The following DLGAP2 variants were observed in gnomAD, a reference collection of about 807,000 sequenced individuals.
DLGAP2 encodes DLG associated protein 2, also known as disks large-associated protein 2.
In DLGAP2, 26 loss-of-function variants were observed where a neutral mutation model predicts 100.3. The observed-to-expected ratio is 0.26, with a 90% CI of 0.19 to 0.36. The LOEUF is 0.36. Among genes scored for constraint, DLGAP2 ranks in the 10% least tolerant of loss-of-function variants. DLGAP2 has a pLI of 1.00. For synonymous variants in DLGAP2, 886 were observed against 630.1 expected (o/e 1.41, Z -6.08); for missense variants, 1,858 against 1,453.2 (o/e 1.28, Z -4.53).
At chr8:1,305,982 A>G (rs1303826307) in intron 3 of DLGAP2, among the ~76,000 whole-genome samples, 1 of 151,080 alleles carries the variant, frequency 6.6e-6, no homozygotes, top group Non-Finnish European at 1.5e-5. Context: ...ATGTAATTTT[A>G]TATCCAGATA....
At chr8:998,925 A>G (rs1316929520) in intron 2 of DLGAP2, among the ~76,000 whole-genome samples, 1 of 152,090 alleles carries the variant, frequency 6.6e-6, no homozygotes, top group African/African-American at 2.4e-5. Context: ...TTCATGTGTG[A>G]AGCCACAGCT....
chr8:930,418 G>T (rs1489174173), intron 2 of DLGAP2, among the ~76,000 whole-genome samples: 1 of 152,212 alleles, frequency 6.6e-6, no homozygotes, highest in Non-Finnish European at 1.5e-5. Context: ...GTGCACACCA[G>T]GGACTCCAGG....
intron 2 of DLGAP2, among the ~76,000 whole-genome samples, chr8:1,232,804 C>T (rs75311017): frequency 0.022 from 3,360 of 152,278 alleles, 120 homozygotes; most frequent in African/African-American, 0.076. Flanking sequence ...GTGTAGTAAA[C>T]GTATCGCAAG....
At chr8:1,636,813 T>C (rs1745048243) in intron 8 of DLGAP2, among the ~76,000 whole-genome samples, 1 of 152,240 alleles carries the variant, frequency 6.6e-6, no homozygotes, top group African/African-American at 2.4e-5. Context: ...ATTTTAAAAC[T>C]TGAATTTGAA....
intron 1 of DLGAP2, among the ~76,000 whole-genome samples, chr8:763,474 C>A (rs1483976388): frequency 1.3e-5 from 2 of 152,206 alleles, no homozygotes; most frequent in African/African-American, 4.8e-5. Context: ...TTATCAATGG[C>A]ATCTTGAATG....
intron 2 of DLGAP2, among the ~76,000 whole-genome samples, chr8:1,114,708 G>T (rs2129046475): frequency 6.6e-6 from 1 of 151,346 alleles, no homozygotes; most frequent in South Asian, 2.1e-4. Flanking sequence ...CTTCAGCTCT[G>T]ATTTTGGTTA....
intron 3 of DLGAP2, among the ~76,000 whole-genome samples, chr8:1,362,578 G>A (rs1802007081): frequency 6.6e-6 from 1 of 152,138 alleles, no homozygotes; most frequent in Non-Finnish European, 1.5e-5. Flanking sequence ...CACGGCCACA[G>A]TCACCATGGA....
intron 12 of DLGAP2, among the ~76,000 whole-genome samples, chr8:1,685,334 G>A (rs762652669): frequency 6.6e-6 from 1 of 152,180 alleles, no homozygotes; most frequent in Non-Finnish European, 1.5e-5. Flanking sequence ...GAAGATTGAG[G>A]AATCAGAAAT....
intron 2 of DLGAP2, among the ~76,000 whole-genome samples, chr8:1,155,155 G>T (rs1385575874): frequency 1.3e-5 from 2 of 152,188 alleles, no homozygotes; most frequent in Non-Finnish European, 2.9e-5. Context: ...GGCTGGCCGG[G>T]TCCCGTGTCC....
chr8:1,504,637 G>A (rs750780775), intron 4 of DLGAP2, among the ~76,000 whole-genome samples: 3 of 152,264 alleles, frequency 2.0e-5, no homozygotes, highest in East Asian at 1.9e-4. Context: ...GTGAGGTCAC[G>A]CGGCACCTGT....
chr8:1,110,323 G>A (rs1008282357), intron 2 of DLGAP2, among the ~76,000 whole-genome samples: 1 of 141,528 alleles, frequency 7.1e-6, no homozygotes, highest in Admixed American at 7.3e-5. Flanking sequence ...GGTCTGTGAG[G>A]TGTGCACGGG....
intron 8 of DLGAP2, among the ~76,000 whole-genome samples, chr8:1,638,702 C>G (rs888604304): frequency 5.9e-5 from 9 of 152,106 alleles, no homozygotes; most frequent in Admixed American, 4.6e-4. Context: ...TAAGAGGCCT[C>G]CTGCCCCAGC....
chr8:1,358,589 A>G lies in DLGAP2; in HGVS notation c.106+99706A>G, dbSNP rs1267287436. 2.6e-5 allele frequency among the ~76,000 whole-genome samples: 4 copies of G among 152,202 alleles called. No individual in the cohort carries two copies. In the East Asian group the frequency reaches 7.7e-4, roughly 29 times the overall value. ...TATTCAATAAAACTTAGTGCAAGAA[A>G]GAGGCCTGCAGTGAAAGCAGCGTTT... On this transcript the variant is annotated intron_variant, in intron 3 of 14. Coordinates refer to ENST00000637795, the MANE Select transcript of DLGAP2 (RefSeq NM_001346810.2).
intron 1 of DLGAP2, among the ~76,000 whole-genome samples, chr8:816,957 G>A (rs368590342): frequency 2.0e-3 from 298 of 152,072 alleles, no homozygotes; most frequent in African/African-American, 6.7e-3. Flanking sequence ...TGACTAACAC[G>A]GTGAAACCCT....
At chr8:800,697 CAT>C (rs1491133266) in intron 1 of DLGAP2, among the ~76,000 whole-genome samples, 2 of 151,900 alleles carry the variant, frequency 1.3e-5, no homozygotes, top group Non-Finnish European at 2.9e-5. Flanking sequence ...TGCATGTGTG[CAT>C]GTGTGTGTCT....
At chr8:1,217,361 C>G (rs1798235160) in intron 2 of DLGAP2, among the ~76,000 whole-genome samples, 1 of 152,104 alleles carries the variant, frequency 6.6e-6, no homozygotes, top group African/African-American at 2.4e-5. Flanking sequence ...TTCATCATTG[C>G]TGGCCACTAT....
At chr8:1,616,203 T>C (rs111302717) in intron 6 of DLGAP2, among the ~76,000 whole-genome samples, 2 of 151,856 alleles carry the variant, frequency 1.3e-5, no homozygotes, top group African/African-American at 4.8e-5. Context: ...TTCTCAAATA[T>C]GAAAAAGTAG....
chr8:1,685,923 A>C (rs6986016), intron 12 of DLGAP2, among the ~76,000 whole-genome samples: 74,395 of 151,978 alleles, frequency 0.49, 19,808 homozygotes, highest in African/African-American at 0.71. Context: ...AGACAAAAAA[A>C]CAGCAAATGC....
chr8:1,169,363 G>A (rs937573839), intron 2 of DLGAP2, among the ~76,000 whole-genome samples: 5 of 152,066 alleles, frequency 3.3e-5, no homozygotes, highest in East Asian at 3.9e-4. Context: ...TTGGCGATGC[G>A]GGCTCTTTCT....
Sources: gnomAD v4.1 joint callset for allele counts (sites outside exome capture counted in the v4.1 genomes callset) on GRCh38, gnomAD v4.1.1 for gene constraint, MANE v1.5 for transcripts, NCBI Gene and HGNC (gene_info 2026-07-23, HGNC 2026-07-21) for gene names.